CEP57L1: variants seen among roughly 807,000 people sequenced by gnomAD.
The protein encoded by CEP57L1 is centrosomal protein 57 like 1, also known as centrosomal protein CEP57L1.
Under a neutral mutation model 61.0 loss-of-function variants are expected in CEP57L1, and 37 were observed. The ratio of observed to expected loss-of-function variants is 0.61; its 90% confidence interval spans 0.47 to 0.80. The LOEUF is 0.80. Among genes scored for constraint, CEP57L1 ranks in the 30% least tolerant of loss-of-function variants. CEP57L1 has a pLI of 0.00. For synonymous variants in CEP57L1, 137 were observed against 162.3 expected, an observed-to-expected ratio of 0.84 and a Z score of 1.19; for missense variants, 422 against 524.7, an observed-to-expected ratio of 0.80 and a Z score of 1.91.
intron 4 of CEP57L1, among the ~76,000 whole-genome samples, chr6:109,150,708 A>T (rs1048426999): frequency 6.6e-6 from 1 of 151,984 alleles, no homozygotes; most frequent in East Asian, 1.9e-4. Context: ...AGAAAAAAAA[A>T]ATTACACTCA....
In CEP57L1 at chr6:109,146,757, G is replaced by A; in HGVS notation, c.161-1G>A. 6.5e-7 allele frequency: 1 copy of A among 1,547,348 alleles called. No homozygotes were observed. On this transcript the variant is annotated splice_acceptor_variant, in intron 2 of 10. Transcript: ENST00000517392. LOFTEE classifies it high-confidence loss of function. ...ATATCAACAAAATTTTTTTTCAACA[G>A]CTCTTATTTTAGCCTTAAAAACTCT...
At chr6:109,105,313 C>T (rs543178825) in intron 1 of CEP57L1, among the ~76,000 whole-genome samples, 5 of 152,036 alleles carry the variant, frequency 3.3e-5, no homozygotes, top group African/African-American at 7.2e-5. Flanking sequence ...TTGTTGTTCA[C>T]GTATAGATGT....
intron 1 of CEP57L1, among the ~76,000 whole-genome samples, chr6:109,136,253 A>G (rs564563527): frequency 2.0e-5 from 3 of 152,350 alleles, no homozygotes; most frequent in South Asian, 4.1e-4. Flanking sequence ...GGATGAGTTC[A>G]TGTCCTTTGT....
chr6:109,136,738 T>TTATTA lies in CEP57L1; in HGVS notation c.-3-8477_-3-8476insATATT, dbSNP rs1462371133. On this transcript the variant is annotated intron_variant, in intron 1 of 10. Transcript: ENST00000517392. Reference sequence around the variant, plus strand: ...TTATTTTATTTTATTTTATTTTATTTTATTTTATTTTATTTTATTTTATTT... The same window carrying TTATTA: ...TTATTTTATTTTATTTTATTTTATTTTATTATATTTTATTTTATTTTATTTTATTT... Among the ~76,000 whole-genome samples, 4 of 148,288 alleles carry TTATTA rather than the reference T, an allele frequency of 2.7e-5. No homozygotes were observed. In the East Asian group the frequency reaches 7.8e-4, roughly 29 times the overall value.
intron 1 of CEP57L1, among the ~76,000 whole-genome samples, chr6:109,131,874 A>C (rs559872479): frequency 1.3e-5 from 2 of 152,232 alleles, no homozygotes; most frequent in South Asian, 4.2e-4. Context: ...TGCATGGGAC[A>C]GAGGAAGTCT....
At chr6:109,099,583 C>T (rs1392753402) in intron 1 of CEP57L1, among the ~76,000 whole-genome samples, 1 of 151,626 alleles carries the variant, frequency 6.6e-6, no homozygotes, top group East Asian at 1.9e-4. Flanking sequence ...AGTTTTTGCT[C>T]TTGTTGCCCA....
intron 1 of CEP57L1, among the ~76,000 whole-genome samples, chr6:109,098,032 T>G (rs999594348): frequency 1.3e-5 from 2 of 152,336 alleles, no homozygotes; most frequent in East Asian, 3.9e-4. Context: ...TGTAGGTGAC[T>G]GAAAGGACTA....
chr6:109,160,132 A>G (rs568825494), intron 9 of CEP57L1, among the ~76,000 whole-genome samples: 2 of 152,320 alleles, frequency 1.3e-5, no homozygotes, highest in African/African-American at 4.8e-5. Context: ...TTGATCTAAG[A>G]CTTCTGTAGA....
chr6:109,118,460 C>T (rs763851518), intron 1 of CEP57L1, among the ~76,000 whole-genome samples: 1 of 152,196 alleles, frequency 6.6e-6, no homozygotes, highest in Non-Finnish European at 1.5e-5. Context: ...GCTGTGCCAA[C>T]AAGTCTGGTT....
rs563744725 is a variant in CEP57L1, at chr6:109,173,733, C to T, written c.*10763C>T. On this transcript the variant is annotated 3_prime_UTR_variant, in exon 11 of 11. Coordinates refer to ENST00000517392, the MANE Select transcript of CEP57L1 (RefSeq NM_001271852.3). The stretch of plus-strand genomic sequence containing the variant: ...GATTACAGGCATGAGCCACTGTGCC[C>T]GGCAGAATTTTTCTGTGTCCATTAG... Among the ~76,000 whole-genome samples the T allele has an allele frequency of 2.2e-4, 33 of 151,784 alleles. No individual in the cohort carries two copies. The highest frequency in any genetic ancestry group is 1.0e-3 in the South Asian group (5 of 4,806).
At position 109,165,877 on chromosome 6, in the gene CEP57L1, A is replaced by G. The variant is rs950482390; in HGVS notation, c.*2907A>G. 1 of 152,254 alleles carries G rather than the reference A, an allele frequency of 6.6e-6. No individual in the cohort carries two copies. Among genetic ancestry groups the G allele is most frequent in the Non-Finnish European group, 1.5e-5 (1 of 68,036 alleles). The allele number at this position is 152,254 out of a possible 1,614,324, so 9.4% of individuals were successfully genotyped here. On this transcript the variant is annotated 3_prime_UTR_variant, in exon 11 of 11. Coordinates refer to ENST00000517392, the MANE Select transcript of CEP57L1 (RefSeq NM_001271852.3). ...ACCTCACAGCTGTGCTCTGTCTAGC[A>G]GAAACTTGGTATGATTTCACGGATT...
Position 109,172,601 on chromosome 6 carries a change from C to T in CEP57L1, c.*9631C>T, listed in dbSNP as rs527741470. Reference sequence around the variant, plus strand: ...TTACTGCGGTATTGTTTTTTGTTTTCTGACCCAAAAGTGATGTGCATTGCT... The same window carrying T: ...TTACTGCGGTATTGTTTTTTGTTTTTTGACCCAAAAGTGATGTGCATTGCT... On this transcript the variant is annotated 3_prime_UTR_variant, in exon 11 of 11. Transcript: ENST00000517392. Among the ~76,000 whole-genome samples, 1 of 152,202 alleles carries T rather than the reference C, an allele frequency of 6.6e-6. No individual in the cohort carries two copies. The highest frequency in any genetic ancestry group is 1.9e-4 in the East Asian group (1 of 5,182).
At chr6:109,132,822 T>C (rs1774344406) in intron 1 of CEP57L1, among the ~76,000 whole-genome samples, 2 of 152,220 alleles carry the variant, frequency 1.3e-5, no homozygotes, top group Non-Finnish European at 2.9e-5. Context: ...TGCTAGTTTG[T>C]GGTTTTAAGT....
chr6:109,151,369 T>A (rs1474241263), intron 4 of CEP57L1, among the ~76,000 whole-genome samples: 2 of 152,202 alleles, frequency 1.3e-5, no homozygotes, highest in African/African-American at 4.8e-5. Context: ...TTTTAATAGC[T>A]GCTCTATGAA....
rs1159055624 is a variant in CEP57L1, at chr6:109,163,745, A to G, written c.*775A>G. On this transcript the variant is annotated 3_prime_UTR_variant, in exon 11 of 11. Transcript: ENST00000517392. ...CACAAAAGTGGTATTTTTTTTTTGTACAAGAAAGTATAGAGGAAGAGGAAG... is the reference window on the plus strand; with the variant it reads ...CACAAAAGTGGTATTTTTTTTTTGTGCAAGAAAGTATAGAGGAAGAGGAAG... 1 of 151,590 alleles carries G rather than the reference A, an allele frequency of 6.6e-6. No individual in the cohort carries two copies. Among genetic ancestry groups the G allele is most frequent in the Non-Finnish European group, 1.5e-5 (1 of 67,916 alleles). The allele number at this position is 151,590 out of a possible 1,614,324, so 9.4% of individuals were successfully genotyped here.
chr6:109,148,463 G>C (rs1237574102), intron 3 of CEP57L1, among the ~76,000 whole-genome samples: 1 of 152,024 alleles, frequency 6.6e-6, no homozygotes, highest in African/African-American at 2.4e-5. Context: ...CTTTTTTATG[G>C]CTGCATAGTA....
rs1344112988 is a variant in CEP57L1 at position 109,166,524 on chromosome 6, C to G, written c.*3554C>G. Among the ~76,000 whole-genome samples, 1 of 151,854 alleles carries G rather than the reference C, an allele frequency of 6.6e-6. No individual in the cohort carries two copies. Among genetic ancestry groups the G allele is most frequent in the Non-Finnish European group, 1.5e-5 (1 of 67,974 alleles). Reference sequence around the variant, plus strand: ...TCAGCCTCCCGAGTAGCTGGAATTACAGGCACCTGCCATACACCCAGCTAA... The same window carrying G: ...TCAGCCTCCCGAGTAGCTGGAATTAGAGGCACCTGCCATACACCCAGCTAA... On this transcript the variant is annotated 3_prime_UTR_variant, in exon 11 of 11. Transcript: ENST00000517392.
rs149285520 is a variant in CEP57L1 at position 109,112,044 on chromosome 6, A to C, written c.-4+16469A>C. On this transcript the variant is annotated intron_variant, in intron 1 of 10. Coordinates refer to ENST00000517392, the MANE Select transcript of CEP57L1 (RefSeq NM_001271852.3). Reference sequence around the variant, plus strand: ...CAGGATGATCCTGGCCTCATAAATGAGTTAGGGAGGAGTCCCTCTTTTTCT... The same window carrying C: ...CAGGATGATCCTGGCCTCATAAATGCGTTAGGGAGGAGTCCCTCTTTTTCT... Among the ~76,000 whole-genome samples, 518 of 152,296 alleles carry C rather than the reference A, an allele frequency of 3.4e-3. 1 individual carries two copies. Among genetic ancestry groups the C allele is most frequent in the African/African-American group, 0.01 (418 of 41,558 alleles).
Position 109,159,289 on chromosome 6 carries a change from A to G in CEP57L1, c.843A>G (p.Pro281=). The change falls in exon 9 of 11, where the codon CCA becomes CCG. Residue 281 remains proline (P), a synonymous_variant. Coordinates refer to ENST00000517392, the MANE Select transcript of CEP57L1 (RefSeq NM_001271852.3). The stretch of plus-strand genomic sequence containing the variant: ...TGCAGATGAGGCAACATCGTGACCC[A>G]CATATCCTTCAGAAACCTTTTAACG... ...VAEKMRQHRD[P]HILQKPFNVT... 1.9e-6 allele frequency: 3 copies of G among 1,614,102 alleles called. No individual in the cohort carries two copies. The highest frequency in any genetic ancestry group is 1.1e-5 in the South Asian group (1 of 91,080).
Sources: gnomAD v4.1 joint callset for allele counts (sites outside exome capture counted in the v4.1 genomes callset) on GRCh38, gnomAD v4.1.1 for gene constraint, MANE v1.5 for transcripts, NCBI Gene and HGNC (gene_info 2026-07-23, HGNC 2026-07-21) for gene names.